The following ZNF705A variants were observed in gnomAD, a reference collection of about 807,000 sequenced individuals.
The protein encoded by ZNF705A is zinc finger protein 705A.
In ZNF705A, 8 loss-of-function variants were observed where a neutral mutation model predicts 16.6. That is an observed-to-expected ratio of 0.48 (90% CI 0.28 to 0.87). The LOEUF (loss-of-function observed/expected upper bound fraction) is 0.87. Among genes scored for constraint, ZNF705A ranks in the 40% least tolerant of loss-of-function variants. ZNF705A has a pLI of 0.10. For missense variants in ZNF705A, 233 were observed against 359.9 expected (o/e 0.65, Z 2.85); for synonymous variants, 73 against 117.3 (o/e 0.62, Z 2.44).
At chr12:8,167,209 C>T (rs1661403596) in intron 1 of ZNF705A, among the ~76,000 whole-genome samples, 2 of 152,282 alleles carry the variant, frequency 1.3e-5, no homozygotes, top group Middle Eastern at 3.4e-3. Context: ...TTGCTGTATC[C>T]CTTGACTGGG....
At chr12:8,163,749 C>T (rs1195868533) in intron 1 of ZNF705A, among the ~76,000 whole-genome samples, 1 of 152,190 alleles carries the variant, frequency 6.6e-6, no homozygotes, top group Non-Finnish European at 1.5e-5. Context: ...CCTTCCAGCT[C>T]TCTGTTCTGC....
upstream of ZNF705A, among the ~76,000 whole-genome samples, chr12:8,171,190 CAA>C (rs1279190204): frequency 6.6e-6 from 1 of 152,104 alleles, no homozygotes; most frequent in Non-Finnish European, 1.5e-5. Context: ...ACAATTAATA[CAA>C]AGTTACCCTT....
chr12:8,177,379 T>G, exon 5 of ZNF705A: 2 of 1,612,040 alleles, frequency 1.2e-6, no homozygotes. Flanking sequence ...GTCATCAATG[T>G]GGGAAAGCCT....
intron 1 of ZNF705A, among the ~76,000 whole-genome samples, chr12:8,167,032 T>A (rs575891862): frequency 1.3e-5 from 2 of 152,398 alleles, no homozygotes; most frequent in Non-Finnish European, 2.9e-5. Context: ...ACATGACCCC[T>A]ATAACACTTC....
At chr12:8,167,211 T>G (rs561279914) in intron 1 of ZNF705A, among the ~76,000 whole-genome samples, 2 of 152,246 alleles carry the variant, frequency 1.3e-5, no homozygotes, top group East Asian at 1.9e-4. Context: ...GCTGTATCCC[T>G]TGACTGGGAA....
upstream of ZNF705A, among the ~76,000 whole-genome samples, chr12:8,172,207 T>C (rs1324205993): frequency 6.6e-6 from 1 of 151,484 alleles, no homozygotes; most frequent in African/African-American, 2.4e-5. Context: ...CCAGTGTTTA[T>C]CTATAGGTGG....
chr12:8,176,905 C>T, intron 4 of ZNF705A, 94 bp from the exon 6 acceptor site: 1 of 1,544,928 alleles, frequency 6.5e-7, no homozygotes, highest in Non-Finnish European at 8.8e-7. Flanking sequence ...TGGGGTCTAC[C>T]ACTGAATGTT....
chr12:8,170,194 C>T (rs138852339), upstream of ZNF705A, among the ~76,000 whole-genome samples: 16 of 126,108 alleles, frequency 1.3e-4, no homozygotes, highest in South Asian at 2.4e-4. Flanking sequence ...TCCCCCCCCC[C>T]CCAAAAAAAA....
intron 1 of ZNF705A, among the ~76,000 whole-genome samples, chr12:8,165,231 C>T (rs1316511592): frequency 6.7e-6 from 1 of 150,220 alleles, no homozygotes; most frequent in Non-Finnish European, 1.5e-5. Context: ...TAGTTGTTGG[C>T]CATTTGTATC....
chr12:8,179,454 C>T (rs1173046362), exon 5 of ZNF705A: 2 of 152,238 alleles, frequency 1.3e-5, no homozygotes, highest in East Asian at 3.9e-4. Context: ...ATGTATTGTC[C>T]GTGAAGGAGC....
chr12:8,170,814 T>C (rs1008582221), upstream of ZNF705A, among the ~76,000 whole-genome samples: 1 of 152,162 alleles, frequency 6.6e-6, no homozygotes, highest in Non-Finnish European at 1.5e-5. Flanking sequence ...TGAACAGATG[T>C]AGAAAATAGT....
At chr12:8,173,107 T>C (rs1433552352) in intron 1 of ZNF705A, among the ~76,000 whole-genome samples, 1 of 152,200 alleles carries the variant, frequency 6.6e-6, no homozygotes, top group Admixed American at 6.5e-5. Context: ...AGCCCAACAA[T>C]GAGTCTGATG....
chr12:8,172,343 A>G (rs1411868001), upstream of ZNF705A, among the ~76,000 whole-genome samples: 4 of 151,946 alleles, frequency 2.6e-5, no homozygotes, highest in African/African-American at 9.7e-5. Context: ...CTCATTCACA[A>G]GATATCTGTG....
chr12:8,177,249 AC>A lies in ZNF705A; in HGVS notation c.570del (p.His190GlnfsTer3), dbSNP rs750684041. On this transcript the variant is annotated frameshift_variant, in exon 5 of 5. Coordinates refer to ENST00000359286, the Ensembl canonical transcript of ZNF705A. LOFTEE classifies it low-confidence loss of function (END_TRUNC). ...ACTAATTGCTTTCGCCTTAGACGGCACAAGATGACTCACACTGGAGAGAGGC... is the reference window on the plus strand; with the variant it reads ...ACTAATTGCTTTCGCCTTAGACGGCAAAGATGACTCACACTGGAGAGAGGC... 5 of 1,611,660 alleles carry A rather than the reference AC, an allele frequency of 3.1e-6. No homozygotes were observed. The highest frequency in any genetic ancestry group is 4.2e-6 in the Non-Finnish European group (5 of 1,179,650).
chr12:8,175,601 C>A (rs1374873532), intron 3 of ZNF705A, among the ~76,000 whole-genome samples: 1 of 152,060 alleles, frequency 6.6e-6, no homozygotes, highest in Non-Finnish European at 1.5e-5. Flanking sequence ...TTCCCTGATA[C>A]CCCTGTGAAG....
intron 1 of ZNF705A, among the ~76,000 whole-genome samples, chr12:8,160,773 C>T (rs777269087): frequency 6.6e-6 from 1 of 152,168 alleles, no homozygotes; most frequent in East Asian, 1.9e-4. Flanking sequence ...TATCAGCAAA[C>T]GGTGACAGCT....
intron 1 of ZNF705A, among the ~76,000 whole-genome samples, chr12:8,157,429 C>A (rs867046680): frequency 1.3e-5 from 2 of 151,974 alleles, no homozygotes. Context: ...GTATAGGCTG[C>A]CTGAGGGGGA....
At chr12:8,176,757 C>A (rs749460340) in intron 4 of ZNF705A, among the ~76,000 whole-genome samples, 5 of 151,986 alleles carry the variant, frequency 3.3e-5, no homozygotes, top group African/African-American at 1.2e-4. Context: ...ATCTTGTAGC[C>A]GTATTATTTA....
At chr12:8,175,658 CTT>C (rs1482066038) in intron 3 of ZNF705A, among the ~76,000 whole-genome samples, 200 bp from the exon 5 acceptor site, 1 of 152,144 alleles carries the variant, frequency 6.6e-6, no homozygotes, top group African/African-American at 2.4e-5. Context: ...CATTTTAACT[CTT>C]TTCACATTTT....
Sources: allele counts gnomAD v4.1 joint callset (sites outside exome capture counted in the v4.1 genomes callset), GRCh38; gene constraint gnomAD v4.1.1; transcripts MANE v1.5; gene names NCBI Gene and HGNC (gene_info 2026-07-23, HGNC 2026-07-21).